Variants in RIPOR2 observed in about 807,000 individuals in gnomAD.
RIPOR2 encodes the protein rho family-interacting cell polarization regulator 2.
A neutral mutation model predicts 114.5 loss-of-function variants in RIPOR2; 39 were observed. The ratio of observed to expected loss-of-function variants is 0.34; its 90% CI spans 0.26 to 0.44. The LOEUF is 0.44. RIPOR2 is among the 20% of genes least tolerant of loss of function. The pLI, the probability that RIPOR2 is intolerant of heterozygous loss-of-function variation, is 1.00. For synonymous variants in RIPOR2, 445 were observed against 484.4 expected (o/e 0.92, Z 1.07); for missense variants, 1,007 against 1,255.1 (o/e 0.80, Z 2.99).
chr6:24,938,137 G>C (rs1340504842), upstream of RIPOR2, among the ~76,000 whole-genome samples: 1 of 152,152 alleles, frequency 6.6e-6, no homozygotes, highest in Non-Finnish European at 1.5e-5. Flanking sequence ...TAATTAGTTA[G>C]GATGAACTTA....
chr6:25,035,959 G>A (rs1012146757), intron 1 of RIPOR2, among the ~76,000 whole-genome samples: 7 of 152,218 alleles, frequency 4.6e-5, no homozygotes, highest in African/African-American at 1.7e-4. Flanking sequence ...CGTGCAGTGA[G>A]GAATAGCCAG....
At chr6:24,992,936 C>A (rs571435188) in intron 1 of RIPOR2, among the ~76,000 whole-genome samples, 6 of 152,178 alleles carry the variant, frequency 3.9e-5, no homozygotes, top group Non-Finnish European at 7.4e-5. Context: ...ATGAGCCAAG[C>A]AAACAAAGTG....
intron 1 of RIPOR2, among the ~76,000 whole-genome samples, chr6:25,007,880 G>GC (rs1291801289): frequency 6.6e-6 from 1 of 151,696 alleles, no homozygotes; most frequent in Non-Finnish European, 1.5e-5. Context: ...GCATGCTGTA[G>GC]CCCCACCTGC....
At chr6:24,876,967 G>C in intron 1 of RIPOR2, 1 of 985,300 alleles carries the variant, frequency 1.0e-6, no homozygotes, top group East Asian at 1.1e-4. Flanking sequence ...CTTAGCAGGT[G>C]ACTTCAATCC....
intron 1 of RIPOR2, among the ~76,000 whole-genome samples, chr6:24,904,781 C>T (rs1369377366): frequency 1.3e-5 from 2 of 152,164 alleles, no homozygotes; most frequent in Non-Finnish European, 2.9e-5. Context: ...TGCACAGCTT[C>T]TTTTATTTTT....
chr6:24,983,879 C>A (rs1774417289), intron 1 of RIPOR2, among the ~76,000 whole-genome samples: 1 of 149,148 alleles, frequency 6.7e-6, no homozygotes, highest in African/African-American at 2.5e-5. Flanking sequence ...TGGTTAAGTT[C>A]TATCCAATGG....
intron 1 of RIPOR2, among the ~76,000 whole-genome samples, chr6:25,009,865 GC>G (rs1775708382): frequency 6.6e-6 from 1 of 152,180 alleles, no homozygotes. Flanking sequence ...AGGCCACACA[GC>G]CTTCTACTGC....
At chr6:24,837,653 T>C (rs1044259841) in intron 14 of RIPOR2, among the ~76,000 whole-genome samples, 4 of 152,214 alleles carry the variant, frequency 2.6e-5, no homozygotes, top group African/African-American at 9.6e-5. Flanking sequence ...CAAGCAGTCC[T>C]CTGGCCTTGG....
At chr6:24,825,876 C>T (rs1188472774) in intron 18 of RIPOR2, among the ~76,000 whole-genome samples, 1 of 151,804 alleles carries the variant, frequency 6.6e-6, no homozygotes. Context: ...AACTGGGCCC[C>T]GATGGAGCAA....
intron 7 of RIPOR2, among the ~76,000 whole-genome samples, chr6:24,864,023 C>T (rs908194416): frequency 5.3e-5 from 8 of 152,252 alleles, no homozygotes; most frequent in South Asian, 2.1e-4. Flanking sequence ...TATTCTAGGC[C>T]GGGCTCAGTG....
intron 1 of RIPOR2, among the ~76,000 whole-genome samples, chr6:25,031,888 T>C (rs1375803536): frequency 2.0e-5 from 3 of 149,546 alleles, no homozygotes; most frequent in African/African-American, 4.9e-5. Flanking sequence ...ATTTCAACTT[T>C]TCTATATGTG....
chr6:24,921,582 A>G (rs1770490061), intron 1 of RIPOR2, among the ~76,000 whole-genome samples: 1 of 152,066 alleles, frequency 6.6e-6, no homozygotes, highest in Non-Finnish European at 1.5e-5. Context: ...ATTTGTCAGT[A>G]AAGTCTTCCC....
chr6:24,962,625 A>G (rs1447100426), intron 1 of RIPOR2, among the ~76,000 whole-genome samples: 2 of 118,484 alleles, frequency 1.7e-5, no homozygotes, highest in Non-Finnish European at 3.7e-5. Context: ...GTGGGATAAA[A>G]GAAACTTCAT....
intron 1 of RIPOR2, among the ~76,000 whole-genome samples, chr6:24,922,725 T>A (rs1770585709): frequency 6.6e-6 from 1 of 151,502 alleles, no homozygotes; most frequent in African/African-American, 2.4e-5. Flanking sequence ...CCTGGTGTGT[T>A]GGCGTGCACC....
At chr6:24,948,606 AC>A (rs1018090820) in intron 1 of RIPOR2, among the ~76,000 whole-genome samples, 4 of 150,594 alleles carry the variant, frequency 2.7e-5, no homozygotes, top group Non-Finnish European at 5.9e-5. Flanking sequence ...ATCTCGGTTC[AC>A]CGCAACCTCT....
chr6:24,847,683 C>T, intron 12 of RIPOR2: 1 of 1,550,402 alleles, frequency 6.4e-7, no homozygotes, highest in South Asian at 1.2e-5. Context: ...GGGAAGGATG[C>T]AGCCACCTCT....
chr6:25,012,534 AT>A (rs1336936572), intron 1 of RIPOR2, among the ~76,000 whole-genome samples: 1 of 152,246 alleles, frequency 6.6e-6, no homozygotes, highest in Non-Finnish European at 1.5e-5. Flanking sequence ...ATGGAATATA[AT>A]TTGTCTATAA....
chr6:24,963,530 TGGACACA>T (rs1773396767), intron 1 of RIPOR2, among the ~76,000 whole-genome samples: 1 of 152,136 alleles, frequency 6.6e-6, no homozygotes, highest in African/African-American at 2.4e-5. Context: ...CTTCATGAAA[TGGACACA>T]TATATGTACA....
chr6:25,001,624 CAAAAA>C (rs747422738), intron 1 of RIPOR2, among the ~76,000 whole-genome samples: 14 of 56,340 alleles, frequency 2.5e-4, no homozygotes, highest in African/African-American at 9.4e-4. Flanking sequence ...GACTTCATCT[CAAAAA>C]AAAAAAAAAA....
Sources: gnomAD v4.1 joint callset for allele counts (sites outside exome capture counted in the v4.1 genomes callset) on GRCh38, gnomAD v4.1.1 for gene constraint, MANE v1.5 for transcripts, NCBI Gene and HGNC (gene_info 2026-07-23, HGNC 2026-07-21) for gene names.